Variants in CLASP1 observed in about 807,000 individuals in gnomAD.
CLASP1 encodes CLIP-associating protein 1.
Under a neutral mutation model 192.3 loss-of-function variants are expected in CLASP1, and 38 were observed. The observed-to-expected ratio is 0.20, with a 90% CI of 0.15 to 0.26. The LOEUF is 0.26. CLASP1 is among the 10% of genes least tolerant of loss of function. CLASP1 has a pLI of 1.00. For missense variants in CLASP1, 1,433 were observed against 1,932.5 expected, an observed-to-expected ratio of 0.74 and a Z score of 4.85; for synonymous variants, 691 against 712.8, an observed-to-expected ratio of 0.97 and a Z score of 0.49.
At chr2:121,543,501 CT>C (rs1421299559) in intron 2 of CLASP1, among the ~76,000 whole-genome samples, 2 of 152,082 alleles carry the variant, frequency 1.3e-5, no homozygotes, top group Non-Finnish European at 2.9e-5. Context: ...CCCATATGGA[CT>C]TTCAAAATTT....
chr2:121,445,947 T>C lies in CLASP1; in HGVS notation c.1912+1390A>G, dbSNP rs192396645. On this transcript the variant is annotated intron_variant, in intron 19 of 39. Transcript: ENST00000263710. ...AAGGTGGATCTAATATACTAAAGCATAGGTAAGTACTGAAAAACTAAACTA... is the reference window on the plus strand; with the variant it reads ...AAGGTGGATCTAATATACTAAAGCACAGGTAAGTACTGAAAAACTAAACTA... Among the ~76,000 whole-genome samples the C allele has an allele frequency of 2.6e-5, 4 of 152,330 alleles. No individual in the cohort carries two copies. In the East Asian group the frequency reaches 5.8e-4, roughly 22 times the overall value.
intron 8 of CLASP1, among the ~76,000 whole-genome samples, chr2:121,500,385 AAAG>A (rs2093705759): frequency 1.4e-5 from 2 of 143,562 alleles, no homozygotes; most frequent in African/African-American, 5.4e-5. Context: ...AGAAAGAAAG[AAAG>A]AAAGAAAGAA....
chr2:121,351,225 T>C (rs1356158881), intron 37 of CLASP1, among the ~76,000 whole-genome samples: 1 of 152,168 alleles, frequency 6.6e-6, no homozygotes, highest in East Asian at 1.9e-4. Flanking sequence ...TCACTGTCCC[T>C]CAGATGTGGC....
At chr2:121,379,964 C>T (rs1433745409) in intron 33 of CLASP1, among the ~76,000 whole-genome samples, 2 of 152,142 alleles carry the variant, frequency 1.3e-5, no homozygotes, top group Non-Finnish European at 1.5e-5. Context: ...TTTGCAGAAC[C>T]AAGAACAATT....
At chr2:121,546,461 C>A (rs2057426860) in intron 2 of CLASP1, among the ~76,000 whole-genome samples, 1 of 151,820 alleles carries the variant, frequency 6.6e-6, no homozygotes, top group Non-Finnish European at 1.5e-5. Flanking sequence ...AACAACTCCA[C>A]CCATGGAAAA....
intron 19 of CLASP1, among the ~76,000 whole-genome samples, chr2:121,437,275 T>A (rs2082469221): frequency 6.6e-6 from 1 of 152,230 alleles, no homozygotes; most frequent in African/African-American, 2.4e-5. Context: ...TTTTTGATTT[T>A]AATAATGTAC....
In CLASP1 at chr2:121,635,285, AT is replaced by A. The variant is rs564106641; in HGVS notation, c.-286+14086del. Reference sequence around the variant, plus strand: ...TGATTGACAATTACCTGGAAAGCATATGAAATACTGTGTTTACTCTGGCCTC... The same window carrying A: ...TGATTGACAATTACCTGGAAAGCATAGAAATACTGTGTTTACTCTGGCCTC... On this transcript the variant is annotated intron_variant, in intron 1 of 39. Coordinates refer to ENST00000263710, the Ensembl canonical transcript of CLASP1. Among the ~76,000 whole-genome samples the A allele has an allele frequency of 1.2e-3, 188 of 152,276 alleles. 1 individual carries two copies. The highest frequency in any genetic ancestry group is 4.4e-3 in the African/African-American group (183 of 41,548).
chr2:121,344,214 G>A (rs1206812342), intron 39 of CLASP1, among the ~76,000 whole-genome samples: 1 of 152,170 alleles, frequency 6.6e-6, no homozygotes, highest in Admixed American at 6.5e-5. Flanking sequence ...CCCAAAGCTA[G>A]TGTTGCTGCC....
intron 1 of CLASP1, among the ~76,000 whole-genome samples, chr2:121,636,912 G>A (rs759795080): frequency 9.2e-5 from 14 of 152,074 alleles, no homozygotes; most frequent in South Asian, 2.1e-4. Flanking sequence ...TTTTAAGAAC[G>A]ATTTTCTGCA....
Position 121,591,152 on chromosome 2 carries a change from C to T in CLASP1, c.195+14549G>A, listed in dbSNP as rs950256151. Among the ~76,000 whole-genome samples the T allele has an allele frequency of 5.3e-5, 8 of 151,724 alleles. No homozygotes were observed. The East Asian group carries it at 1.4e-3, about 26-fold the overall frequency. On this transcript the variant is annotated intron_variant, in intron 2 of 39. Coordinates refer to ENST00000263710, the Ensembl canonical transcript of CLASP1. ...AACTGCTGGGATTACAGGTGTGAGCCACTGCGTCCGGCCAAATTATTTGAT... is the reference window on the plus strand; with the variant it reads ...AACTGCTGGGATTACAGGTGTGAGCTACTGCGTCCGGCCAAATTATTTGAT...
intron 2 of CLASP1, among the ~76,000 whole-genome samples, chr2:121,549,949 T>C (rs747215939): frequency 7.2e-6 from 1 of 138,648 alleles, no homozygotes; most frequent in Non-Finnish European, 1.5e-5. Flanking sequence ...GAGCTTGCAG[T>C]GAGCCAAGAT....
intron 20 of CLASP1, among the ~76,000 whole-genome samples, chr2:121,428,427 G>T (rs975016352): frequency 6.6e-6 from 1 of 152,174 alleles, no homozygotes; most frequent in Non-Finnish European, 1.5e-5. Context: ...TCATTATATT[G>T]ACCTAGATTC....
rs529529246 is a variant in CLASP1 at position 121,454,251 on chromosome 2, T to C, written c.1386-2402A>G. On this transcript the variant is annotated intron_variant, in intron 14 of 39. Transcript: ENST00000263710. ...GAAGTGACAAGGTTTAGATTAGGCA[T>C]GATAATGGGGCCCTCATTATGAGAT... Among the ~76,000 whole-genome samples the C allele has an allele frequency of 2.7e-4, 41 of 150,044 alleles. No individual in the cohort carries two copies. In the East Asian group the frequency reaches 8.1e-3, roughly 30 times the overall value.
At chr2:121,367,544 G>A (rs761337856) in intron 35 of CLASP1, 44 bp downstream of exon 36, 7 of 1,611,462 alleles carry the variant, frequency 4.3e-6, no homozygotes, top group African/African-American at 2.7e-5. Flanking sequence ...GGAGCACAAG[G>A]GAAGCACTTC....
At chr2:121,435,750 C>T (rs2082189269) in intron 19 of CLASP1, among the ~76,000 whole-genome samples, 1 of 152,148 alleles carries the variant, frequency 6.6e-6, no homozygotes, top group Admixed American at 6.5e-5. Flanking sequence ...ATTTTAAGGG[C>T]TCCCTCCTTT....
At chr2:121,407,437 C>G in intron 25 of CLASP1, 34 bp downstream of exon 26, 1 of 1,611,234 alleles carries the variant, frequency 6.2e-7, no homozygotes, top group Non-Finnish European at 8.5e-7. Flanking sequence ...ACAGGAGATT[C>G]AAACTTAGCT....
At chr2:121,515,556 G>T in intron 7 of CLASP1, 109 bp downstream of exon 7, 2 of 809,206 alleles carry the variant, frequency 2.5e-6, no homozygotes, top group East Asian at 2.8e-5. Context: ...TATATTCTTT[G>T]AATAAAATAA....
At chr2:121,357,837 C>T (rs539173912) in intron 37 of CLASP1, among the ~76,000 whole-genome samples, 14 of 152,346 alleles carry the variant, frequency 9.2e-5, no homozygotes, top group African/African-American at 3.1e-4. Flanking sequence ...GAGTGTCTTC[C>T]AAGCCCATGC....
chr2:121,499,270 A>G (rs905656717), intron 8 of CLASP1, among the ~76,000 whole-genome samples: 3 of 152,244 alleles, frequency 2.0e-5, no homozygotes, highest in Non-Finnish European at 4.4e-5. Context: ...TACATGCTAC[A>G]TTATGGATGA....
Sources: allele counts gnomAD v4.1 joint callset (sites outside exome capture counted in the v4.1 genomes callset), GRCh38; gene constraint gnomAD v4.1.1; transcripts MANE v1.5; gene names NCBI Gene and HGNC (gene_info 2026-07-23, HGNC 2026-07-21).